The following COL5A1 variants were observed in gnomAD, a reference collection of about 807,000 sequenced individuals.
The protein encoded by COL5A1 is collagen alpha-1(V) chain.
In COL5A1, 16 loss-of-function variants were observed where a neutral mutation model predicts 263.7. The ratio of observed to expected loss-of-function variants is 0.06; its 90% CI spans 0.04 to 0.09. COL5A1 has a LOEUF of 0.09. Among genes scored for constraint, COL5A1 ranks in the 10% least tolerant of loss-of-function variants. The pLI is 1.00. For missense variants in COL5A1, 2,036 were observed against 2,540.5 expected (o/e 0.80, Z 4.27); for synonymous variants, 1,012 against 1,004.5 (o/e 1.01, Z -0.14).
At chr9:134,704,948 G>A (rs948419443) in intron 4 of COL5A1, among the ~76,000 whole-genome samples, 1 of 152,110 alleles carries the variant, frequency 6.6e-6, no homozygotes, top group Non-Finnish European at 1.5e-5. Context: ...TCTGCATAAC[G>A]ACACCTCCCA....
intron 11 of COL5A1, among the ~76,000 whole-genome samples, chr9:134,746,139 C>T (rs4842149): frequency 0.2 from 30,163 of 152,148 alleles, 3,272 homozygotes; most frequent in East Asian, 0.35. Flanking sequence ...TGGTCATGCA[C>T]GTACGTGTTC....
At position 134,690,771 on chromosome 9, in the gene COL5A1, A is replaced by G. The variant is rs1231537009; in HGVS notation, c.110-141A>G. ...CCTGCCTCGCCCAGCACGCGGCTCT[A>G]AGCTGGTCCTGGGGCTCTTCTGAGT... On this transcript the variant is annotated intron_variant, in intron 1 of 65. Transcript: ENST00000371817. 1.6e-5 allele frequency: 17 copies of G among 1,032,912 alleles called. No homozygotes were observed. The East Asian group carries it at 2.0e-4, about 12-fold the overall frequency. The allele number at this position is 1,032,912 out of a possible 1,614,324, so 64.0% of individuals were successfully genotyped here.
rs1052756381 is a variant in COL5A1 at position 134,716,978 on chromosome 9, A to C, written c.655-10288A>C. Among the ~76,000 whole-genome samples the C allele has an allele frequency of 1.3e-5, 2 of 151,908 alleles. No individual in the cohort carries two copies. Among genetic ancestry groups the C allele is most frequent in the Admixed American group, 6.5e-5 (1 of 15,278 alleles). The stretch of plus-strand genomic sequence containing the variant: ...TCTGACACTCTCGTTAATAGTGTGA[A>C]ACTCGTTCTCACAGGTGCTGTGAAA... On this transcript the variant is annotated intron_variant, in intron 4 of 65. Coordinates refer to ENST00000371817, the MANE Select transcript of COL5A1 (RefSeq NM_000093.5). This position sits in a 1 kb window ranked among gnomAD's most constrained non-coding sequence, Gnocchi z 4.5.
At chr9:134,659,845 G>A (rs1161455894) in intron 1 of COL5A1, among the ~76,000 whole-genome samples, 1 of 152,200 alleles carries the variant, frequency 6.6e-6, no homozygotes, top group East Asian at 1.9e-4. Flanking sequence ...TGCTTAAGGG[G>A]GTGAGCTGCC....
At chr9:134,649,141 C>T (rs905941348) in intron 1 of COL5A1, among the ~76,000 whole-genome samples, 1 of 152,022 alleles carries the variant, frequency 6.6e-6, no homozygotes, top group Non-Finnish European at 1.5e-5. Context: ...TTGTGCCAGC[C>T]CAGCCCCAGG....
chr9:134,742,107 C>T lies in COL5A1; in HGVS notation c.1494+3299C>T, dbSNP rs1835326539. ...AGCCCACACCCTGTGCCTCCACTGGCTGGCCCTGGGTGTTGCTTCCTTCAC... is the reference window on the plus strand; with the variant it reads ...AGCCCACACCCTGTGCCTCCACTGGTTGGCCCTGGGTGTTGCTTCCTTCAC... On this transcript the variant is annotated intron_variant, in intron 11 of 65. Transcript: ENST00000371817. The surrounding 1 kb of genome is among the most constrained non-coding windows in gnomAD (Gnocchi z 4.6). Among the ~76,000 whole-genome samples the T allele has an allele frequency of 6.6e-6, 1 of 152,254 alleles. No homozygotes were observed. The highest frequency in any genetic ancestry group is 6.5e-5 in the Admixed American group (1 of 15,294).
intron 27 of COL5A1, among the ~76,000 whole-genome samples, chr9:134,777,197 C>T (rs1323955281): frequency 6.6e-6 from 1 of 152,248 alleles, no homozygotes; most frequent in African/African-American, 2.4e-5. Flanking sequence ...CGTTTAGCCC[C>T]CAGCTGCTAG....
At chr9:134,812,390 T>C in intron 46 of COL5A1, 59 bp from the exon 47 acceptor site, 1 of 1,549,254 alleles carries the variant, frequency 6.5e-7, no homozygotes, top group South Asian at 1.1e-5. Flanking sequence ...GAAAGCTGTG[T>C]GTGTGTTTGA....
rs901413168 is a variant in COL5A1 at position 134,838,826 on chromosome 9, C to T, written c.5371-3331C>T. On this transcript the variant is annotated intron_variant, in intron 65 of 65. Transcript: ENST00000371817. ...CCCCAGATGGCAGGGGCAGGCTCTG[C>T]GGCCAAGCTGGACAGGTGGTTTGGG... 3.3e-5 allele frequency among the ~76,000 whole-genome samples: 5 copies of T among 152,324 alleles called. No homozygotes were observed. In the South Asian group the frequency reaches 6.2e-4, roughly 19 times the overall value.
rs373482182 is a variant in COL5A1, at chr9:134,714,795, TGTG to T, written c.655-12451_655-12449del. Among the ~76,000 whole-genome samples, 106 of 10,820 alleles carry T rather than the reference TGTG, an allele frequency of 9.8e-3. 1 individual carries two copies. The South Asian group carries it at 0.16, about 16-fold the overall frequency. The allele number at this position is 10,820 out of a possible 152,430, so 7.1% of individuals were successfully genotyped here. On this transcript the variant is annotated intron_variant, in intron 4 of 65. Coordinates refer to ENST00000371817, the MANE Select transcript of COL5A1 (RefSeq NM_000093.5). ...TGGTGAAGGTGGTGGTGGAGGTGAT[TGTG>T]GTGGTGGTGGTGGTGGTGGAGGCGA...
intron 1 of COL5A1, among the ~76,000 whole-genome samples, chr9:134,688,303 C>T (rs1431483426): frequency 6.6e-6 from 1 of 152,196 alleles, no homozygotes; most frequent in Non-Finnish European, 1.5e-5. Context: ...GTCCAGGAAG[C>T]CCCGGCCGGG....
chr9:134,659,410 T>C (rs750242398), intron 1 of COL5A1, among the ~76,000 whole-genome samples: 13 of 152,076 alleles, frequency 8.5e-5, no homozygotes, highest in South Asian at 2.1e-4. Flanking sequence ...ATCATAATCA[T>C]AAAAAAGCCT....
chr9:134,642,311 G>C lies in COL5A1; in HGVS notation c.109+15G>C. ...GAGCCGCGCAGGTAAGGGCGCCCCG[G>C]GGCGCGGGGCTGCGGGATGGGGCGC... On this transcript the variant is annotated intron_variant, in intron 1 of 65. Coordinates refer to ENST00000371817, the MANE Select transcript of COL5A1 (RefSeq NM_000093.5). The surrounding 1 kb of genome is among the most constrained non-coding windows in gnomAD (Gnocchi z 4.5). 1 of 856,462 alleles carries C rather than the reference G, an allele frequency of 1.2e-6. No individual in the cohort carries two copies. Among genetic ancestry groups the C allele is most frequent in the Non-Finnish European group, 1.5e-6 (1 of 667,948 alleles). 53.1% of individuals were successfully genotyped at this position (856,462 alleles called of 1,614,324 possible). A position where few individuals can be genotyped will look rare whatever the true frequency, so the allele number is the denominator to read the frequency against.
rs1296238596 is a variant in COL5A1 at position 134,767,294 on chromosome 9, T to C, written c.2188-16T>C. ...AGCGCCCTCACCTTCCCTTTCTGGC[T>C]CTTTCTCCCTCTTAGGGTCTTCCAG... On this transcript the variant is annotated splice_polypyrimidine_tract_variant and intron_variant, in intron 23 of 65. Transcript: ENST00000371817. The C allele has an allele frequency of 6.2e-7, 1 of 1,613,804 alleles. No homozygotes were observed. Among genetic ancestry groups the C allele is most frequent in the East Asian group, 2.2e-5 (1 of 44,884 alleles).
chr9:134,806,255 C>A lies in COL5A1; in HGVS notation c.3325C>A (p.Pro1109Thr), dbSNP rs1225763044. ...GPIGIPGRPG[P>T]QGPPGPAGEK... ...CATCGGAATTCCAGGGAGACCTGGG[C>A]CCCAGGGACCCCCAGGGCCGGCAGG... Residue 1109 changes from proline to threonine, a missense_variant, in exon 42 of 66, where the codon CCC (proline) becomes ACC (threonine). Transcript: ENST00000371817. 2 of 1,549,780 alleles carry A rather than the reference C, an allele frequency of 1.3e-6. No individual in the cohort carries two copies. Among genetic ancestry groups the A allele is most frequent in the East Asian group, 2.4e-5 (1 of 40,906 alleles).
chr9:134,791,825 G>C (rs1345952741), intron 32 of COL5A1, among the ~76,000 whole-genome samples: 1 of 152,156 alleles, frequency 6.6e-6, no homozygotes, highest in Non-Finnish European at 1.5e-5. Flanking sequence ...TCAGTGCTGG[G>C]TGTTCTGCCA....
chr9:134,803,865 C>T (rs1473284239), intron 39 of COL5A1, among the ~76,000 whole-genome samples: 1 of 151,938 alleles, frequency 6.6e-6, no homozygotes, highest in Non-Finnish European at 1.5e-5. Context: ...AAAAAACAGC[C>T]CTCACCCCAA....
At chr9:134,695,211 G>A (rs1490416584) in intron 2 of COL5A1, among the ~76,000 whole-genome samples, 1 of 152,140 alleles carries the variant, frequency 6.6e-6, no homozygotes, top group Admixed American at 6.5e-5. Flanking sequence ...TCCTACTCAG[G>A]ACACCCAGGG....
intron 32 of COL5A1, among the ~76,000 whole-genome samples, chr9:134,790,715 C>T (rs117292689): frequency 9.3e-5 from 14 of 151,098 alleles, no homozygotes; most frequent in Non-Finnish European, 1.8e-4. Flanking sequence ...CTGTCTCTAT[C>T]CAGCTGTCAT....
Sources: gnomAD v4.1 joint callset for allele counts (sites outside exome capture counted in the v4.1 genomes callset) on GRCh38, gnomAD v4.1.1 for gene constraint, Gnocchi (gnomAD v3.1) non-coding constraint, MANE v1.5 for transcripts, NCBI Gene and HGNC (gene_info 2026-07-23, HGNC 2026-07-21) for gene names.